Variants in CNTNAP2 observed in about 807,000 individuals in gnomAD.
CNTNAP2 encodes contactin associated protein 2, also known as contactin-associated protein-like 2.
In CNTNAP2, 98 loss-of-function variants were observed where a neutral mutation model predicts 155.2. The ratio of observed to expected loss-of-function variants is 0.63; its 90% confidence interval spans 0.54 to 0.75. The LOEUF is 0.75. Ranked by LOEUF, CNTNAP2 falls within the 30% of genes least tolerant of loss-of-function variation. The probability of loss-of-function intolerance (pLI) is 0.00; values close to 1 mark genes in which losing one functional copy is unlikely to be tolerated. For synonymous variants in CNTNAP2, 651 were observed against 631.2 expected, an observed-to-expected ratio of 1.03 and a Z score of -0.47; for missense variants, 1,727 against 1,688.1, an observed-to-expected ratio of 1.02 and a Z score of -0.40.
At chr7:146,606,798 TG>T (rs936730547) in intron 1 of CNTNAP2, among the ~76,000 whole-genome samples, 4 of 152,180 alleles carry the variant, frequency 2.6e-5, no homozygotes, top group African/African-American at 7.2e-5. Context: ...CTCCATTTTC[TG>T]GCAGCTGACA....
chr7:147,805,857 G>T (rs1798082183), intron 13 of CNTNAP2, among the ~76,000 whole-genome samples: 1 of 152,158 alleles, frequency 6.6e-6, no homozygotes, highest in Non-Finnish European at 1.5e-5. Context: ...AATCAAAATG[G>T]ATTGAGGGCT....
chr7:146,303,943 G>C (rs921992003), intron 1 of CNTNAP2, among the ~76,000 whole-genome samples: 1 of 151,976 alleles, frequency 6.6e-6, no homozygotes, highest in Non-Finnish European at 1.5e-5. Flanking sequence ...TTATGAATCT[G>C]GGTGCTCCTA....
chr7:147,994,534 G>A (rs560470114), intron 15 of CNTNAP2, among the ~76,000 whole-genome samples: 1 of 152,298 alleles, frequency 6.6e-6, no homozygotes, highest in East Asian at 1.9e-4. Context: ...CATGGGGACA[G>A]GTCTTTCCAG....
At chr7:148,235,210 A>G (rs1015229394) in intron 20 of CNTNAP2, among the ~76,000 whole-genome samples, 1 of 152,240 alleles carries the variant, frequency 6.6e-6, no homozygotes, top group African/African-American at 2.4e-5. Flanking sequence ...CTGAATTTCA[A>G]CCAAATTGTA....
intron 3 of CNTNAP2, among the ~76,000 whole-genome samples, chr7:146,933,635 A>G (rs993144935): frequency 1.4e-5 from 2 of 148,064 alleles, no homozygotes; most frequent in African/African-American, 2.5e-5. Flanking sequence ...AGAAACTACC[A>G]TCAGAGTGAA....
At chr7:148,105,220 G>A (rs1360901743) in intron 15 of CNTNAP2, among the ~76,000 whole-genome samples, 1 of 152,204 alleles carries the variant, frequency 6.6e-6, no homozygotes, top group East Asian at 1.9e-4. Context: ...AAGACTGTCT[G>A]GAGGAGGTGG....
chr7:147,519,427 T>C (rs921296979), intron 11 of CNTNAP2, among the ~76,000 whole-genome samples: 8 of 152,250 alleles, frequency 5.3e-5, no homozygotes, highest in African/African-American at 1.7e-4. Context: ...CTCAAGATCC[T>C]TAACCTAATC....
At chr7:146,549,141 G>C (rs1798077353) in intron 1 of CNTNAP2, among the ~76,000 whole-genome samples, 1 of 148,758 alleles carries the variant, frequency 6.7e-6, no homozygotes, top group Non-Finnish European at 1.5e-5. Flanking sequence ...TCCTATCTTT[G>C]GTATCAAGCC....
chr7:147,228,804 C>T (rs1296255447), intron 8 of CNTNAP2, among the ~76,000 whole-genome samples: 1 of 152,068 alleles, frequency 6.6e-6, no homozygotes, highest in Non-Finnish European at 1.5e-5. Context: ...TATCCCTCCC[C>T]TAGTCCCCCA....
Position 146,998,703 on chromosome 7 carries a change from G to A in CNTNAP2, c.403-45204G>A, listed in dbSNP as rs1409338492. Among the ~76,000 whole-genome samples the A allele has an allele frequency of 3.3e-5, 5 of 151,924 alleles. 1 individual carries two copies. Among genetic ancestry groups the A allele is most frequent in the African/African-American group, 9.6e-5 (4 of 41,466 alleles). On this transcript the variant is annotated intron_variant, in intron 3 of 23. Coordinates refer to ENST00000361727, the MANE Select transcript of CNTNAP2 (RefSeq NM_014141.6). ...ATTAATATTTACTTTATATATTTAG[G>A]TGGTCCTATGTTGGGTGTATATATT...
chr7:147,332,334 T>G (rs1316831469), intron 9 of CNTNAP2, among the ~76,000 whole-genome samples: 1 of 152,202 alleles, frequency 6.6e-6, no homozygotes, highest in East Asian at 1.9e-4. Flanking sequence ...TTTTGTGTAT[T>G]TGTTTTTAAT....
chr7:147,729,250 T>A (rs1472919062), intron 13 of CNTNAP2, among the ~76,000 whole-genome samples: 1 of 151,758 alleles, frequency 6.6e-6, no homozygotes, highest in Non-Finnish European at 1.5e-5. Context: ...GAATGCGTAT[T>A]AAAGGAAGTA....
chr7:147,274,877 T>A (rs34107119), intron 8 of CNTNAP2, among the ~76,000 whole-genome samples: 6,478 of 152,060 alleles, frequency 0.043, 151 homozygotes, highest in Non-Finnish European at 0.052. Context: ...GTCCAGTTTT[T>A]TTAGGCATAT....
At chr7:147,325,786 T>C (rs1795443618) in intron 9 of CNTNAP2, among the ~76,000 whole-genome samples, 1 of 152,206 alleles carries the variant, frequency 6.6e-6, no homozygotes, top group African/African-American at 2.4e-5. Context: ...TGACATTAGG[T>C]ACATTTACCT....
At position 148,109,049 on chromosome 7, in the gene CNTNAP2, T is replaced by C. The variant is rs370323568; in HGVS notation, c.2384-9069T>C. Among the ~76,000 whole-genome samples the C allele has an allele frequency of 2.6e-5, 4 of 152,204 alleles. No individual in the cohort carries two copies. The East Asian group carries it at 5.8e-4, about 22-fold the overall frequency. ...AGCCTCAGGGTTTGTCGTCTTACTG[T>C]TCACACATTGAAGGAAAAGAGGCTC... On this transcript the variant is annotated intron_variant, in intron 15 of 23. Coordinates refer to ENST00000361727, the MANE Select transcript of CNTNAP2 (RefSeq NM_014141.6).
chr7:147,038,155 C>G (rs1030558260), intron 3 of CNTNAP2, among the ~76,000 whole-genome samples: 2 of 151,996 alleles, frequency 1.3e-5, no homozygotes, highest in African/African-American at 4.8e-5. Flanking sequence ...GACCCTGTCT[C>G]TAAAAATAAA....
chr7:146,200,229 C>T (rs1474532388), intron 1 of CNTNAP2, among the ~76,000 whole-genome samples: 1 of 152,180 alleles, frequency 6.6e-6, no homozygotes, highest in Non-Finnish European at 1.5e-5. Flanking sequence ...GGGCGTGGGG[C>T]TCACGCCTGT....
chr7:148,207,459 C>T (rs768023514), intron 18 of CNTNAP2, among the ~76,000 whole-genome samples: 5 of 152,296 alleles, frequency 3.3e-5, no homozygotes, highest in Non-Finnish European at 4.4e-5. Context: ...CCTCGCACTG[C>T]GCTGGCACAC....
intron 16 of CNTNAP2, among the ~76,000 whole-genome samples, chr7:148,138,462 A>G (rs1805001141): frequency 6.6e-6 from 1 of 152,164 alleles, no homozygotes. Flanking sequence ...TCTCTCTGAC[A>G]TCACCTCAAA....
Sources: gnomAD v4.1 joint callset for allele counts (sites outside exome capture counted in the v4.1 genomes callset) on GRCh38, gnomAD v4.1.1 for gene constraint, MANE v1.5 for transcripts, NCBI Gene and HGNC (gene_info 2026-07-23, HGNC 2026-07-21) for gene names.